ASPG: variants seen among roughly 807,000 people sequenced by gnomAD.
ASPG encodes asparaginase.
A neutral mutation model predicts 63.2 loss-of-function variants in ASPG; 53 were observed. That is an observed-to-expected ratio of 0.84 (90% CI 0.67 to 1.05). The LOEUF is 1.05. Among genes scored for constraint, ASPG ranks in the 50% least tolerant of loss-of-function variants. The pLI is 0.00. For synonymous variants in ASPG, 370 were observed against 355.0 expected, an observed-to-expected ratio of 1.04 and a Z score of -0.48; for missense variants, 741 against 794.4, an observed-to-expected ratio of 0.93 and a Z score of 0.81.
At chr14:104,095,487 G>C in intron 3 of ASPG, 44 bp from the exon 4 acceptor site, 3 of 1,609,872 alleles carry the variant, frequency 1.9e-6, no homozygotes, top group Non-Finnish European at 2.5e-6. Context: ...CCCCACACCT[G>C]CTTGCGAGGG....
Position 104,110,128 on chromosome 14 carries a change from G to A in ASPG, c.1520+813G>A, listed in dbSNP as rs537531451. 64 of 985,432 alleles carry A rather than the reference G, an allele frequency of 6.5e-5. 1 individual carries two copies. The South Asian group carries it at 2.6e-3, about 40-fold the overall frequency. 61.0% of individuals were successfully genotyped at this position (985,432 alleles called of 1,614,324 possible). ...ACGACTCCGAGGGACCCAAAAAGGA[G>A]AGTCGGAGGCAGGAGACCTGGGCCG... is the stretch of plus-strand genomic sequence containing the variant. On this transcript the variant is annotated intron_variant, in intron 13 of 15. Transcript: ENST00000551177. This position sits in a 1 kb window ranked among gnomAD's most constrained non-coding sequence, Gnocchi z 4.7.
intron 7 of ASPG, 52 bp from the exon 8 acceptor site, chr14:104,104,252 G>A: frequency 1.9e-6 from 3 of 1,557,176 alleles, no homozygotes; most frequent in Non-Finnish European, 2.6e-6. Flanking sequence ...AGTCTCAGTG[G>A]TGCTGAGGGC....
At position 104,097,625 on chromosome 14, in the gene ASPG, T is replaced by C; in HGVS notation, c.501T>C (p.Tyr167=). 2 of 1,563,642 alleles carry C rather than the reference T, an allele frequency of 1.3e-6. No homozygotes were observed. The highest frequency in any genetic ancestry group is 1.7e-6 in the Non-Finnish European group (2 of 1,155,004). ...GGGCACTGCTCATGGCTGGCCAGTATGTGATCCCAGAGGTACCTGCCTGGT... is the reference window on the plus strand; with the variant it reads ...GGGCACTGCTCATGGCTGGCCAGTACGTGATCCCAGAGGTACCTGCCTGGT... ...LLGALLMAGQ[Y]VIPEVCLFFQ... is the part of the protein sequence containing the mutation. Residue 167 remains tyrosine (Y), a synonymous_variant, in exon 5 of 16, where the codon TAT becomes TAC. Coordinates refer to ENST00000551177, the MANE Select transcript of ASPG (RefSeq NM_001080464.3).
chr14:104,106,862 G>A lies in ASPG; in HGVS notation c.1237G>A (p.Asp413Asn), dbSNP rs756096595. The A allele has an allele frequency of 6.3e-7, 1 of 1,595,652 alleles. No homozygotes were observed. The highest frequency in any genetic ancestry group is 2.3e-5 in the East Asian group (1 of 44,118). Residue 413 changes from aspartate (D) to asparagine (N), a missense_variant, in exon 11 of 16, where the codon GAC becomes AAC. By Grantham distance (23) the Asp-to-Asn change is conservative. Coordinates refer to ENST00000551177, the MANE Select transcript of ASPG (RefSeq NM_001080464.3). ...GGCCTGTGCTGCTGCCCACGCCGGT[G>A]ACGTGGAGGCGCTGCAGGCGCTTGT... ...SLACAAAHAG[D>N]VEALQALVEL...
At chr14:104,104,240 C>T (rs1462679846) in intron 7 of ASPG, 64 bp from the exon 8 acceptor site, 13 of 1,522,186 alleles carry the variant, frequency 8.5e-6, no homozygotes, top group South Asian at 5.0e-5. Flanking sequence ...GGGCATGGGG[C>T]GAGTCTCAGT....
chr14:104,111,611 C>T lies in ASPG; in HGVS notation c.1620+10C>T. 2 of 1,548,424 alleles carry T rather than the reference C, an allele frequency of 1.3e-6. No homozygotes were observed. The highest frequency in any genetic ancestry group is 2.0e-5 in the Admixed American group (1 of 50,632). On this transcript the variant is annotated intron_variant, in intron 14 of 15. Transcript: ENST00000551177. ...CAGCGCCCTGCACGTCGTGAGTGCC[C>T]CCACCCCCTGCACCCTCTCCAAAGG...
intron 6 of ASPG, among the ~76,000 whole-genome samples, chr14:104,102,746 A>G (rs2036933946): frequency 6.6e-6 from 1 of 152,136 alleles, no homozygotes; most frequent in African/African-American, 2.4e-5. Flanking sequence ...GAAAGTCGGC[A>G]GAACCCTGGG....
In ASPG at chr14:104,093,487, G is replaced by T. The variant is rs564677939; in HGVS notation, c.192-4G>T. 1.2e-6 allele frequency: 2 copies of T among 1,611,222 alleles called. No homozygotes were observed. Among genetic ancestry groups the T allele is most frequent in the Admixed American group, 1.7e-5 (1 of 60,026 alleles). ...TTCCGCCTCCTGCTGTTTCTGTCCC[G>T]CAGCCCGGCCAGCCGCAACCAGAGG... On this transcript the variant is annotated splice_polypyrimidine_tract_variant and splice_region_variant and intron_variant, in intron 2 of 15. Transcript: ENST00000551177.
chr14:104,099,814 C>T (rs1041914265), intron 6 of ASPG, among the ~76,000 whole-genome samples: 1 of 152,268 alleles, frequency 6.6e-6, no homozygotes, highest in Admixed American at 6.5e-5. Context: ...TCCTGACTGA[C>T]TGAGGTGGGG....
At chr14:104,096,341 T>C (rs2036594632) in intron 4 of ASPG, among the ~76,000 whole-genome samples, 1 of 152,176 alleles carries the variant, frequency 6.6e-6, no homozygotes, top group Admixed American at 6.5e-5. Context: ...CCGGTACCTG[T>C]GTCCCTTTGA....
In ASPG at chr14:104,110,988, T is replaced by A; in HGVS notation, c.1521-514T>A. On this transcript the variant is annotated intron_variant, in intron 13 of 15. Transcript: ENST00000551177. This position sits in a 1 kb window ranked among gnomAD's most constrained non-coding sequence, Gnocchi z 4.7. ...GTCCAGGGCCAACCGTTATCCTGGG[T>A]TGCCTCCTGTGTCCCCCTCTCTGAA... The A allele has an allele frequency of 1.0e-6, 1 of 985,406 alleles. No individual in the cohort carries two copies. Among genetic ancestry groups the A allele is most frequent in the Non-Finnish European group, 1.2e-6 (1 of 829,922 alleles). 61.0% of individuals were successfully genotyped at this position (985,406 alleles called of 1,614,324 possible).
chr14:104,096,425 C>T (rs1029560654), intron 4 of ASPG, among the ~76,000 whole-genome samples: 2 of 152,148 alleles, frequency 1.3e-5, no homozygotes, highest in Non-Finnish European at 2.9e-5. Context: ...GGGGAGGTGG[C>T]TCAGCCACCC....
At chr14:104,099,690 C>T (rs76626622) in intron 6 of ASPG, among the ~76,000 whole-genome samples, 231 of 152,362 alleles carry the variant, frequency 1.5e-3, no homozygotes, top group African/African-American at 5.3e-3. Flanking sequence ...CCTGACCCCA[C>T]GCCAGCACCC....
intron 3 of ASPG, 62 bp downstream of exon 3, chr14:104,093,664 G>GTGGGGCTGGGGAATGCTGGT: frequency 8.4e-7 from 1 of 1,192,842 alleles, no homozygotes; most frequent in Non-Finnish European, 1.2e-6. Context: ...AGGTGTGTGG[G>GTGGGGCTGGGGAATGCTGGT]TGGGGCTGTG....
In ASPG at chr14:104,112,941, C is replaced by A. The variant is rs1288713887; in HGVS notation, c.*397C>A. ...TCCTGCCACCCTGCCTTTGCCCAGG[C>A]TGGTCCCTCCTCCAGACACCCTCTG... On this transcript the variant is annotated 3_prime_UTR_variant, in exon 16 of 16. Transcript: ENST00000551177. 6.3e-6 allele frequency: 2 copies of A among 316,486 alleles called. No homozygotes were observed. Among genetic ancestry groups the A allele is most frequent in the Admixed American group, 8.4e-5 (2 of 23,804 alleles). The allele number at this position is 316,486 out of a possible 1,614,324, so 19.6% of individuals were successfully genotyped here.
rs1400239895 is a variant in ASPG at position 104,092,648 on chromosome 14, C to T, written c.98C>T (p.Thr33Met). The T allele has an allele frequency of 8.5e-6, 13 of 1,536,008 alleles. No individual in the cohort carries two copies. The highest frequency in any genetic ancestry group is 2.4e-5 in the South Asian group (2 of 84,016). The change falls in exon 2 of 16, where the codon ACG (threonine) becomes ATG (methionine). Residue 33 changes from threonine to methionine, a missense_variant. By Grantham distance (81) the Thr-to-Met change is moderately conservative. Transcript: ENST00000551177. Reference sequence around the variant, plus strand: ...CTGCCTGCAGTGCTTGTGCCCGGGACGGGCCTGGCTGCCATCCTGAGGACA... The same window carrying T: ...CTGCCTGCAGTGCTTGTGCCCGGGATGGGCCTGGCTGCCATCCTGAGGACA... ...RSELGVLVPGTGLAAILRTLP... is the reference protein window; with the variant it reads ...RSELGVLVPGMGLAAILRTLP...
chr14:104,100,916 G>A lies in ASPG; in HGVS notation c.640+1937G>A, dbSNP rs1407030374. Reference sequence around the variant, plus strand: ...GGGGCCTGATTCACACCTTATCTGGGGCTCAGGAGTGGAGCTTCTGCTGGT... The same window carrying A: ...GGGGCCTGATTCACACCTTATCTGGAGCTCAGGAGTGGAGCTTCTGCTGGT... On this transcript the variant is annotated intron_variant, in intron 6 of 15. Coordinates refer to ENST00000551177, the MANE Select transcript of ASPG (RefSeq NM_001080464.3). Among the ~76,000 whole-genome samples the A allele has an allele frequency of 2.0e-5, 3 of 152,320 alleles. No homozygotes were observed. In the East Asian group the frequency reaches 5.8e-4, roughly 29 times the overall value.
At position 104,095,053 on chromosome 14, in the gene ASPG, C is replaced by G. The variant is rs1056458510; in HGVS notation, c.304-478C>G. Among the ~76,000 whole-genome samples, 6 of 152,324 alleles carry G rather than the reference C, an allele frequency of 3.9e-5. No homozygotes were observed. The Middle Eastern group carries it at 0.017, about 432-fold the overall frequency. On this transcript the variant is annotated intron_variant, in intron 3 of 15. Coordinates refer to ENST00000551177, the MANE Select transcript of ASPG (RefSeq NM_001080464.3). The stretch of plus-strand genomic sequence containing the variant: ...CACTGCTGCCCTTCGGTGTCCTGCC[C>G]GGCCGCCCAGGTCCAGATCCAGGCA...
rs756253700 is a variant in ASPG, at chr14:104,095,517, C to T, written c.304-14C>T. On this transcript the variant is annotated splice_polypyrimidine_tract_variant and intron_variant, in intron 3 of 15. Coordinates refer to ENST00000551177, the MANE Select transcript of ASPG (RefSeq NM_001080464.3). Reference sequence around the variant, plus strand: ...CGAGGGGCTGGCCTGCCTGAGCATGCGCCCCTCCTGCAGAGGCACTACGAG... The same window carrying T: ...CGAGGGGCTGGCCTGCCTGAGCATGTGCCCCTCCTGCAGAGGCACTACGAG... 8 of 1,612,102 alleles carry T rather than the reference C, an allele frequency of 5.0e-6. No individual in the cohort carries two copies. Among genetic ancestry groups the T allele is most frequent in the East Asian group, 4.5e-5 (2 of 44,886 alleles).
Sources: allele counts gnomAD v4.1 joint callset (sites outside exome capture counted in the v4.1 genomes callset), GRCh38; gene constraint gnomAD v4.1.1; non-coding constraint Gnocchi (gnomAD v3.1); transcripts MANE v1.5; gene names NCBI Gene and HGNC (gene_info 2026-07-23, HGNC 2026-07-21).